The following SDR16C5 variants were observed in gnomAD, a reference collection of about 807,000 sequenced individuals.
SDR16C5 encodes short chain dehydrogenase/reductase family 16C member 5, also known as epidermal retinol dehydrogenase 2.
SDR16C5 carries 20 observed loss-of-function variants against 27.7 expected under a neutral mutation model. The ratio of observed to expected loss-of-function variants is 0.72; its 90% CI spans 0.51 to 1.05. The LOEUF (loss-of-function observed/expected upper bound fraction) is 1.05. SDR16C5 is among the 50% of genes least tolerant of loss of function. SDR16C5 has a pLI of 0.00. For missense variants in SDR16C5, 374 were observed against 366.3 expected, an observed-to-expected ratio of 1.02 and a Z score of -0.17; for synonymous variants, 139 against 132.3, an observed-to-expected ratio of 1.05 and a Z score of -0.35.
intron 3 of SDR16C5, among the ~76,000 whole-genome samples, chr8:56,309,852 A>G (rs1814978615): frequency 6.6e-6 from 1 of 152,126 alleles, no homozygotes; most frequent in Non-Finnish European, 1.5e-5. Context: ...CAGTAGGGAC[A>G]CTGCCTTTGA....
At chr8:56,313,514 T>G (rs1306158800) in intron 2 of SDR16C5, among the ~76,000 whole-genome samples, 3 of 152,178 alleles carry the variant, frequency 2.0e-5, no homozygotes, top group African/African-American at 7.2e-5. Flanking sequence ...ACCTGTACAG[T>G]GTGTTACTAT....
intron 6 of SDR16C5, among the ~76,000 whole-genome samples, chr8:56,302,122 C>T (rs1317089101): frequency 1.3e-5 from 2 of 152,240 alleles, no homozygotes; most frequent in Non-Finnish European, 2.9e-5. Context: ...CATATACATG[C>T]ATGATCATCA....
intron 4 of SDR16C5, among the ~76,000 whole-genome samples, chr8:56,307,054 T>C (rs1466290665): frequency 3.3e-5 from 5 of 152,188 alleles, no homozygotes; most frequent in African/African-American, 1.2e-4. Flanking sequence ...CAAGAAGGGC[T>C]GCAGAGATCC....
chr8:56,310,958 A>G (rs1815031012), intron 3 of SDR16C5, among the ~76,000 whole-genome samples: 2 of 152,214 alleles, frequency 1.3e-5, no homozygotes, highest in Admixed American at 1.3e-4. Flanking sequence ...GCACCATTAC[A>G]TTTTTGGTGG....
intron 6 of SDR16C5, 33 bp from the exon 7 acceptor site, chr8:56,301,606 T>A: frequency 6.6e-7 from 1 of 1,504,496 alleles, no homozygotes; most frequent in African/African-American, 1.4e-5. Flanking sequence ...CTTTCTTTAT[T>A]ATCATTCATG....
rs1815301344 is a variant in SDR16C5, at chr8:56,320,067, C to G, written c.-23G>C. On this transcript the variant is annotated 5_prime_UTR_variant, in exon 1 of 7. Coordinates refer to ENST00000303749, the MANE Select transcript of SDR16C5 (RefSeq NM_138969.4). ...CGACCTCGGCAACTTACCCAGGACA[C>G]TCTCCCTAGCTGTCCGCGGAGAAGC... 1 of 152,358 alleles carries G rather than the reference C, an allele frequency of 6.6e-6. No homozygotes were observed. The highest frequency in any genetic ancestry group is 1.5e-5 in the Non-Finnish European group (1 of 68,172). 9.4% of individuals were successfully genotyped at this position (152,358 alleles called of 1,614,324 possible).
chr8:56,315,989 T>A, intron 2 of SDR16C5, 26 bp downstream of exon 2: 1 of 1,502,944 alleles, frequency 6.7e-7, no homozygotes, highest in Non-Finnish European at 9.2e-7. Flanking sequence ...TGTATCAAAT[T>A]ATAATAGTAA....
rs1815214839 is a variant in SDR16C5 at position 56,316,965 on chromosome 8, A to C, written c.-14-604T>G. 2.0e-5 allele frequency among the ~76,000 whole-genome samples: 3 copies of C among 152,236 alleles called. 1 individual carries two copies. In the South Asian group the frequency reaches 6.2e-4, roughly 32 times the overall value. On this transcript the variant is annotated intron_variant, in intron 1 of 6. Transcript: ENST00000303749. ...TTCCGACAGATTTGCAATCAGCACC[A>C]GATAGCCCTTCCCTAGGCTCTGAGG...
intron 5 of SDR16C5, among the ~76,000 whole-genome samples, 158 bp from the exon 6 acceptor site, chr8:56,305,880 AT>A (rs1389825437): frequency 6.6e-6 from 1 of 152,166 alleles, no homozygotes; most frequent in South Asian, 2.1e-4. Flanking sequence ...TTTATTATCA[AT>A]GTGTCAATGC....
chr8:56,309,028 C>T lies in SDR16C5; in HGVS notation c.466-1G>A. 6.3e-7 allele frequency: 1 copy of T among 1,592,486 alleles called. No individual in the cohort carries two copies. Among genetic ancestry groups the T allele is most frequent in the Non-Finnish European group, 8.6e-7 (1 of 1,169,584 alleles). Reference sequence around the variant, plus strand: ...TAGCAGGTAGAAAGGCTTTATAAGTCTAAGAATACAAAGGAAAACTTTTAA... The same window carrying T: ...TAGCAGGTAGAAAGGCTTTATAAGTTTAAGAATACAAAGGAAAACTTTTAA... On this transcript the variant is annotated splice_acceptor_variant, in intron 3 of 6. Coordinates refer to ENST00000303749, the MANE Select transcript of SDR16C5 (RefSeq NM_138969.4). LOFTEE classifies it high-confidence loss of function.
chr8:56,301,296 C>A lies in SDR16C5; in HGVS notation c.*184G>T. 2.0e-6 allele frequency: 1 copy of A among 506,318 alleles called. No homozygotes were observed. The highest frequency in any genetic ancestry group is 3.5e-6 in the Non-Finnish European group (1 of 283,650). The allele number at this position is 506,318 out of a possible 1,614,324, so 31.4% of individuals were successfully genotyped here. On this transcript the variant is annotated 3_prime_UTR_variant, in exon 7 of 7. Coordinates refer to ENST00000303749, the MANE Select transcript of SDR16C5 (RefSeq NM_138969.4). The stretch of plus-strand genomic sequence containing the variant: ...GAAAAAGAAAAAACCAAAACTCAAC[C>A]AAATAGGTGATAGCAACATTATTTT...
chr8:56,307,031 G>A (rs1243256200), intron 4 of SDR16C5, among the ~76,000 whole-genome samples: 5 of 152,186 alleles, frequency 3.3e-5, no homozygotes, highest in Non-Finnish European at 7.4e-5. Flanking sequence ...CAATGACCAA[G>A]TAGAGCCCAG....
Position 56,316,100 on chromosome 8 carries a change from A to G in SDR16C5, c.248T>C (p.Met83Thr), listed in dbSNP as rs1815188329. The G allele has an allele frequency of 6.2e-7, 1 of 1,614,048 alleles. No homozygotes were observed. Among genetic ancestry groups the G allele is most frequent in the Non-Finnish European group, 8.5e-7 (1 of 1,180,038 alleles). Residue 83 changes from methionine (M) to threonine (T), a missense_variant, in exon 2 of 7, where the codon ATG (methionine) becomes ACG (threonine). Transcript: ENST00000303749. The stretch of plus-strand genomic sequence containing the variant: ...TCTTGTGGCTCCAGCTTCCCGAGCC[A>G]TCTTACATGTTTCCTCATTCCCCTC... ...NKEGNEETCK[M>T]AREAGATRVH...
At position 56,315,999 on chromosome 8, in the gene SDR16C5, AAC is replaced by A. The variant is rs763352707; in HGVS notation, c.333+14_333+15del. On this transcript the variant is annotated intron_variant, in intron 2 of 6. Transcript: ENST00000303749. ...TGATGTGTATCAAATTATAATAGTA[AAC>A]ACACAAGAGTTACCTGGTCGGCTAC... 1.3e-5 allele frequency: 20 copies of A among 1,566,860 alleles called. No homozygotes were observed. In the African/African-American group the frequency reaches 2.6e-4, roughly 20 times the overall value.
intron 3 of SDR16C5, among the ~76,000 whole-genome samples, chr8:56,310,972 T>A (rs1815031306): frequency 6.6e-6 from 1 of 151,984 alleles, no homozygotes; most frequent in South Asian, 2.1e-4. Flanking sequence ...TTGGTGGAAA[T>A]AGGGGACAGA....
chr8:56,317,294 A>C (rs547055298), intron 1 of SDR16C5, among the ~76,000 whole-genome samples: 4 of 152,280 alleles, frequency 2.6e-5, no homozygotes, highest in East Asian at 3.9e-4. Flanking sequence ...GGCATCCACT[A>C]GGTCTGCTGA....
chr8:56,319,808 C>T (rs902982406), intron 1 of SDR16C5, among the ~76,000 whole-genome samples: 2 of 152,166 alleles, frequency 1.3e-5, no homozygotes, highest in Admixed American at 6.5e-5. Context: ...TGGCAGCTCA[C>T]CCCCGGGGGC....
At chr8:56,302,929 C>T (rs1033398899) in intron 6 of SDR16C5, among the ~76,000 whole-genome samples, 31 of 151,938 alleles carry the variant, frequency 2.0e-4, no homozygotes, top group African/African-American at 6.0e-4. Context: ...CTGCTGTGGG[C>T]TATGATCAAG....
At chr8:56,319,834 G>C (rs1815291090) in intron 1 of SDR16C5, among the ~76,000 whole-genome samples, 1 of 152,142 alleles carries the variant, frequency 6.6e-6, no homozygotes, top group Non-Finnish European at 1.5e-5. Flanking sequence ...GTCTGCGTTA[G>C]CCGTAGCCAC....
Sources: gnomAD v4.1 joint callset for allele counts (sites outside exome capture counted in the v4.1 genomes callset) on GRCh38, gnomAD v4.1.1 for gene constraint, MANE v1.5 for transcripts, NCBI Gene and HGNC (gene_info 2026-07-23, HGNC 2026-07-21) for gene names.